PPP1CB: variants seen among roughly 807,000 people sequenced by gnomAD.
PPP1CB encodes the protein protein phosphatase 1 catalytic subunit beta.
In PPP1CB, 2 loss-of-function variants were observed where a neutral mutation model predicts 43.7. The ratio of observed to expected loss-of-function variants is 0.05; its 90% CI spans 0.02 to 0.14. PPP1CB has a LOEUF of 0.14. PPP1CB is among the 10% of genes least tolerant of loss of function. The pLI, the probability that PPP1CB is intolerant of heterozygous loss-of-function variation, is 1.00. For synonymous variants in PPP1CB, 136 were observed against 135.6 expected, an observed-to-expected ratio of 1.00 and a Z score of -0.02; for missense variants, 84 against 398.0, an observed-to-expected ratio of 0.21 and a Z score of 6.71.
rs975353025 is a variant in PPP1CB at position 28,778,981 on chromosome 2, C to T, written c.357C>T (p.Leu119=). Residue 119 remains leucine (L), a synonymous_variant, in exon 3 of 8, where the codon CTC becomes CTT. Coordinates refer to ENST00000395366, the MANE Select transcript of PPP1CB (RefSeq NM_002709.3). ...YKIKYPENFF[L]LRGNHECASI... ...TCAAATATCCAGAGAACTTCTTTCTCTTAAGAGGAAACCATGAGTGTGCTA... is the reference window on the plus strand; with the variant it reads ...TCAAATATCCAGAGAACTTCTTTCTTTTAAGAGGAAACCATGAGTGTGCTA... 9 of 1,612,284 alleles carry T rather than the reference C, an allele frequency of 5.6e-6. No homozygotes were observed. In the Admixed American group the frequency reaches 1.3e-4, roughly 24 times the overall value.
intron 3 of PPP1CB, among the ~76,000 whole-genome samples, chr2:28,780,278 A>G (rs1479830364): frequency 6.6e-6 from 1 of 151,724 alleles, no homozygotes; most frequent in Non-Finnish European, 1.5e-5. Flanking sequence ...AGTAGTAGAG[A>G]TGGGGTTTCT....
chr2:28,778,843 A>G lies in PPP1CB; in HGVS notation c.219A>G (p.Arg73=). Residue 73 remains arginine (R), a synonymous_variant, in exon 3 of 8, where the codon AGA becomes AGG. Transcript: ENST00000395366. Reference sequence around the variant, plus strand: ...ATGGACAATATACAGATTTACTGAGATTATTTGAATATGGAGGTTTCCCAC... The same window carrying G: ...ATGGACAATATACAGATTTACTGAGGTTATTTGAATATGGAGGTTTCCCAC... The part of the protein sequence containing the change: ...DIHGQYTDLL[R]LFEYGGFPPE... 6.3e-7 allele frequency: 1 copy of G among 1,599,928 alleles called. No homozygotes were observed. Among genetic ancestry groups the G allele is most frequent in the Non-Finnish European group, 8.6e-7 (1 of 1,167,182 alleles).
chr2:28,791,492 G>A (rs1224446902), intron 6 of PPP1CB, among the ~76,000 whole-genome samples: 1 of 151,864 alleles, frequency 6.6e-6, no homozygotes, highest in Non-Finnish European at 1.5e-5. Context: ...CACTAGCCTG[G>A]CTAGTTTTTG....
At chr2:28,791,587 C>T (rs1667386379) in intron 6 of PPP1CB, among the ~76,000 whole-genome samples, 1 of 152,132 alleles carries the variant, frequency 6.6e-6, no homozygotes, top group Non-Finnish European at 1.5e-5. Flanking sequence ...CTCGGCCTCC[C>T]AAAGTGCTGG....
intron 1 of PPP1CB, among the ~76,000 whole-genome samples, chr2:28,752,748 C>T (rs954166693): frequency 6.6e-6 from 1 of 152,022 alleles, no homozygotes; most frequent in Non-Finnish European, 1.5e-5. Context: ...ATAAAATTAG[C>T]GGGAATTAAT....
At chr2:28,762,302 A>G (rs1666674428) in intron 1 of PPP1CB, among the ~76,000 whole-genome samples, 1 of 150,128 alleles carries the variant, frequency 6.7e-6, no homozygotes, top group Non-Finnish European at 1.5e-5. Context: ...ATAAATAAAT[A>G]TCTGTTCTTT....
chr2:28,758,948 T>C (rs1261057258), intron 1 of PPP1CB, among the ~76,000 whole-genome samples: 2 of 152,262 alleles, frequency 1.3e-5, no homozygotes, highest in African/African-American at 4.8e-5. Flanking sequence ...TCTAAGAATG[T>C]TAATCAGAAT....
In PPP1CB at chr2:28,802,612, T is replaced by C. The variant is rs1667645739; in HGVS notation, c.*3309T>C. 2 of 152,234 alleles carry C rather than the reference T, an allele frequency of 1.3e-5. No individual in the cohort carries two copies. The highest frequency in any genetic ancestry group is 2.4e-5 in the African/African-American group (1 of 41,450). 9.4% of individuals were successfully genotyped at this position (152,234 alleles called of 1,614,324 possible). On this transcript the variant is annotated 3_prime_UTR_variant, in exon 8 of 8. Coordinates refer to ENST00000395366, the MANE Select transcript of PPP1CB (RefSeq NM_002709.3). The stretch of plus-strand genomic sequence containing the variant: ...TTAAATAGGAAATAAACTAGTTCCA[T>C]ATAAGTATACACCTAGAGTTTTAAT...
At chr2:28,779,902 T>C (rs1667119106) in intron 3 of PPP1CB, among the ~76,000 whole-genome samples, 1 of 152,198 alleles carries the variant, frequency 6.6e-6, no homozygotes, top group Non-Finnish European at 1.5e-5. Context: ...TCTGTTCTCA[T>C]GGAGCTTACA....
intron 1 of PPP1CB, among the ~76,000 whole-genome samples, chr2:28,753,817 T>C (rs1314738684): frequency 6.6e-6 from 1 of 152,136 alleles, no homozygotes; most frequent in Non-Finnish European, 1.5e-5. Context: ...CACTGCAACC[T>C]CCGCCTCCCG....
Position 28,794,548 on chromosome 2 carries a change from G to A in PPP1CB, c.879+551G>A, listed in dbSNP as rs148384159. Among the ~76,000 whole-genome samples the A allele has an allele frequency of 1.1e-3, 173 of 152,110 alleles. 1 individual carries two copies. Among genetic ancestry groups the A allele is most frequent in the African/African-American group, 4.0e-3 (166 of 41,482 alleles). On this transcript the variant is annotated intron_variant, in intron 7 of 7. Transcript: ENST00000395366. ...TACTAAAAATACAAAAAAATTAGCC[G>A]GGCGTGGTAGCATGCACCTATAGTC...
intron 1 of PPP1CB, among the ~76,000 whole-genome samples, chr2:28,759,542 AAAAAG>A (rs1666590121): frequency 6.6e-6 from 1 of 150,684 alleles, no homozygotes; most frequent in African/African-American, 2.4e-5. Context: ...AAAAAAAAAA[AAAAAG>A]TATAACACAA....
chr2:28,752,356 C>T (rs932480932), intron 1 of PPP1CB, among the ~76,000 whole-genome samples, 180 bp downstream of exon 1: 7 of 152,078 alleles, frequency 4.6e-5, no homozygotes, highest in East Asian at 3.9e-4. Flanking sequence ...GGGGGAGCGG[C>T]CTCTGGGAGC....
rs769662917 is a variant in PPP1CB at position 28,801,859 on chromosome 2, C to T, written c.*2556C>T. Reference sequence around the variant, plus strand: ...TTTCTATTCTTGAAAGAATCAACTACAGTGAATCCTTTGCATTTGAAGCCT... The same window carrying T: ...TTTCTATTCTTGAAAGAATCAACTATAGTGAATCCTTTGCATTTGAAGCCT... On this transcript the variant is annotated 3_prime_UTR_variant, in exon 8 of 8. Coordinates refer to ENST00000395366, the MANE Select transcript of PPP1CB (RefSeq NM_002709.3). The T allele has an allele frequency of 5.3e-5, 8 of 152,150 alleles. No individual in the cohort carries two copies. The highest frequency in any genetic ancestry group is 1.2e-4 in the Non-Finnish European group (8 of 68,018). The allele number at this position is 152,150 out of a possible 1,614,324, so 9.4% of individuals were successfully genotyped here. A position where few individuals can be genotyped will look rare whatever the true frequency, so the allele number is the denominator to read the frequency against.
intron 1 of PPP1CB, among the ~76,000 whole-genome samples, chr2:28,757,779 G>A (rs1198778048): frequency 6.6e-6 from 1 of 152,176 alleles, no homozygotes; most frequent in Admixed American, 6.6e-5. Flanking sequence ...GAAACTGACA[G>A]TTTGAAGAAG....
intron 6 of PPP1CB, among the ~76,000 whole-genome samples, chr2:28,791,880 C>T (rs13011935): frequency 0.41 from 62,453 of 151,926 alleles, 13,753 homozygotes; most frequent in Middle Eastern, 0.51. Flanking sequence ...TTCTATTGTG[C>T]TTATTTTCAA....
intron 1 of PPP1CB, among the ~76,000 whole-genome samples, chr2:28,770,452 A>T (rs896268148): frequency 6.7e-6 from 1 of 148,210 alleles, no homozygotes; most frequent in Non-Finnish European, 1.5e-5. Context: ...TGACTTGGCT[A>T]TATTTATGTT....
intron 1 of PPP1CB, among the ~76,000 whole-genome samples, chr2:28,768,069 C>G (rs180693137): frequency 6.6e-6 from 1 of 152,198 alleles, no homozygotes; most frequent in Non-Finnish European, 1.5e-5. Context: ...AATGTAATCA[C>G]CTGAATTTCT....
At position 28,752,093 on chromosome 2, in the gene PPP1CB, C is replaced by T. The variant is rs1666307258; in HGVS notation, c.-32C>T. 6 of 1,548,978 alleles carry T rather than the reference C, an allele frequency of 3.9e-6. No homozygotes were observed. The highest frequency in any genetic ancestry group is 2.4e-5 in the South Asian group (2 of 84,028). On this transcript the variant is annotated 5_prime_UTR_variant, in exon 1 of 8. Transcript: ENST00000395366. ...TCCGCCGCCGAGAAGCCCTTGTTCC[C>T]GCTGCTGGGAAGGAGAGTCTGTGCC...
Sources: gnomAD v4.1 joint callset for allele counts (sites outside exome capture counted in the v4.1 genomes callset) on GRCh38, gnomAD v4.1.1 for gene constraint, MANE v1.5 for transcripts, NCBI Gene and HGNC (gene_info 2026-07-23, HGNC 2026-07-21) for gene names.